NEK6: variants seen among roughly 807,000 people sequenced by gnomAD.
NEK6 encodes the protein serine/threonine-protein kinase Nek6.
A neutral mutation model predicts 43.5 loss-of-function variants in NEK6; 27 were observed. The observed-to-expected ratio is 0.62, with a 90% confidence interval of 0.46 to 0.86. NEK6 has a LOEUF of 0.86. Among genes scored for constraint, NEK6 ranks in the 40% least tolerant of loss-of-function variants. The probability of loss-of-function intolerance (pLI) is 0.00; values close to 1 mark genes in which losing one functional copy is unlikely to be tolerated. For synonymous variants in NEK6, 167 were observed against 164.1 expected, an observed-to-expected ratio of 1.02 and a Z score of -0.14; for missense variants, 318 against 414.4, an observed-to-expected ratio of 0.77 and a Z score of 2.02.
At chr9:124,311,512 A>T (rs530957750) in intron 2 of NEK6, among the ~76,000 whole-genome samples, 6 of 152,228 alleles carry the variant, frequency 3.9e-5, no homozygotes, top group African/African-American at 1.2e-4. Context: ...CTCACTGCAC[A>T]GGTGTCCTGG....
At chr9:124,285,899 A>G (rs1272756851) in intron 1 of NEK6, among the ~76,000 whole-genome samples, 1 of 152,228 alleles carries the variant, frequency 6.6e-6, no homozygotes, top group Non-Finnish European at 1.5e-5. Context: ...TGTTATGAGG[A>G]TTAAAGTAAG....
At chr9:124,286,063 C>T (rs993170604) in intron 1 of NEK6, among the ~76,000 whole-genome samples, 2 of 152,160 alleles carry the variant, frequency 1.3e-5, no homozygotes, top group Admixed American at 6.5e-5. Context: ...GTCTCGTGAA[C>T]GGTTCCCCCC....
At chr9:124,294,912 A>AGGGTG (rs1832608467) in intron 1 of NEK6, among the ~76,000 whole-genome samples, 1 of 152,232 alleles carries the variant, frequency 6.6e-6, no homozygotes, top group African/African-American at 2.4e-5. Context: ...AGGCCAGCAC[A>AGGGTG]GAGTGGAGGC....
intron 3 of NEK6, among the ~76,000 whole-genome samples, chr9:124,313,304 C>T (rs962658250): frequency 6.6e-5 from 10 of 151,962 alleles, no homozygotes; most frequent in African/African-American, 1.9e-4. Context: ...AGAGAACACC[C>T]GCAGCTTCAG....
chr9:124,302,078 A>G (rs1833012052), intron 2 of NEK6, 24 bp downstream of exon 2: 1 of 1,517,092 alleles, frequency 6.6e-7, no homozygotes, highest in South Asian at 1.2e-5. Context: ...CTTTGTCTGC[A>G]GCACACTGAA....
chr9:124,341,764 T>C (rs1228467282), intron 8 of NEK6, among the ~76,000 whole-genome samples: 1 of 152,194 alleles, frequency 6.6e-6, no homozygotes, highest in East Asian at 1.9e-4. Context: ...GCAGTGGATG[T>C]AGGAGAGAAT....
intron 1 of NEK6, chr9:124,261,298 A>T: frequency 1.5e-6 from 1 of 683,524 alleles, no homozygotes; most frequent in African/African-American, 1.9e-5. Context: ...TCTTTTCTTT[A>T]AGTGCCCCAG....
At chr9:124,313,686 G>T (rs1309582983) in intron 3 of NEK6, among the ~76,000 whole-genome samples, 1 of 152,160 alleles carries the variant, frequency 6.6e-6, no homozygotes, top group East Asian at 1.9e-4. Flanking sequence ...CTGGGGAGGG[G>T]CTCACCTGGG....
intron 1 of NEK6, chr9:124,259,545 A>G (rs1830943725): frequency 6.6e-6 from 1 of 152,084 alleles, no homozygotes; most frequent in Non-Finnish European, 1.5e-5. Context: ...TCTCCTGAAA[A>G]TGAAAAAAAG....
chr9:124,259,296 G>A (rs905217328), intron 1 of NEK6: 1 of 152,176 alleles, frequency 6.6e-6, no homozygotes, highest in Non-Finnish European at 1.5e-5. Context: ...GGGGGAAAAT[G>A]TCGCCTTAGT....
chr9:124,292,544 GT>G (rs762272001), intron 1 of NEK6: 693 of 1,536,884 alleles, frequency 4.5e-4, no homozygotes, highest in Non-Finnish European at 5.3e-4. Context: ...CCCAGGGTGA[GT>G]TTTTTACAAA....
At chr9:124,269,333 C>A (rs74465256) in intron 1 of NEK6, among the ~76,000 whole-genome samples, 2,936 of 152,174 alleles carry the variant, frequency 0.019, 47 homozygotes, top group East Asian at 0.084. Context: ...ATCTGAAAAC[C>A]CCCCACCCCT....
chr9:124,295,796 T>A (rs1832660063), intron 1 of NEK6, among the ~76,000 whole-genome samples: 1 of 152,220 alleles, frequency 6.6e-6, no homozygotes, highest in Non-Finnish European at 1.5e-5. Context: ...TTACAGCCCC[T>A]GGGCTTGCGC....
chr9:124,304,684 A>G (rs375875537), intron 2 of NEK6, among the ~76,000 whole-genome samples: 4 of 152,236 alleles, frequency 2.6e-5, no homozygotes, highest in African/African-American at 9.6e-5. Flanking sequence ...AGAAACTACA[A>G]CCACCTGAAC....
chr9:124,318,088 A>C (rs1833906648), intron 4 of NEK6, among the ~76,000 whole-genome samples: 2 of 152,166 alleles, frequency 1.3e-5, no homozygotes, highest in Non-Finnish European at 2.9e-5. Flanking sequence ...TAGTTCTTTG[A>C]GAAATTTCCA....
At chr9:124,314,225 C>T (rs915829219) in intron 4 of NEK6, among the ~76,000 whole-genome samples, 1 of 152,114 alleles carries the variant, frequency 6.6e-6, no homozygotes, top group Non-Finnish European at 1.5e-5. Context: ...TTCCTCCTTG[C>T]TGCACGCCCC....
rs778758760 is a variant in NEK6 at position 124,352,957 on chromosome 9, G to A, written c.*2010G>A. On this transcript the variant is annotated 3_prime_UTR_variant, in exon 10 of 10. Transcript: ENST00000320246. ...ACGATCTCAGCCACTCACCAGGCCTGAGTGTTTGTGAAATGATCATGTCCT... is the reference window on the plus strand; with the variant it reads ...ACGATCTCAGCCACTCACCAGGCCTAAGTGTTTGTGAAATGATCATGTCCT... 9 of 152,448 alleles carry A rather than the reference G, an allele frequency of 5.9e-5. No individual in the cohort carries two copies. The highest frequency in any genetic ancestry group is 1.0e-4 in the Non-Finnish European group (7 of 68,228). 9.4% of individuals were successfully genotyped at this position (152,448 alleles called of 1,614,324 possible). A position where few individuals can be genotyped will look rare whatever the true frequency, so the allele number is the denominator to read the frequency against.
chr9:124,350,085 T>C (rs1038754983), intron 9 of NEK6, among the ~76,000 whole-genome samples: 1 of 152,176 alleles, frequency 6.6e-6, no homozygotes, highest in Non-Finnish European at 1.5e-5. Context: ...GAGCCCCCTC[T>C]GGTTCAGGAC....
chr9:124,270,386 G>A (rs1207132776), intron 1 of NEK6, among the ~76,000 whole-genome samples: 1 of 152,146 alleles, frequency 6.6e-6, no homozygotes, highest in East Asian at 1.9e-4. Context: ...ATTCTGCAGA[G>A]GCCTAGGGAT....
Sources: gnomAD v4.1 joint callset for allele counts (sites outside exome capture counted in the v4.1 genomes callset) on GRCh38, gnomAD v4.1.1 for gene constraint, MANE v1.5 for transcripts, NCBI Gene and HGNC (gene_info 2026-07-23, HGNC 2026-07-21) for gene names.